Variants in PMP22 observed in about 807,000 individuals in gnomAD.
PMP22 encodes Charcot-Marie-Tooth neuropathy 1A (greatly reduced nerve conduction velocity, hereditary motor sensory neuropathy Ia).
Under a neutral mutation model 18.9 loss-of-function variants are expected in PMP22, and 2 were observed. The ratio of observed to expected loss-of-function variants is 0.11; its 90% CI spans 0.04 to 0.33. The LOEUF (loss-of-function observed/expected upper bound fraction) is 0.33, where lower values mean the gene tolerates loss of function less well. Among genes scored for constraint, PMP22 ranks in the 10% least tolerant of loss-of-function variants. The pLI is 1.00. For missense variants in PMP22, 169 were observed against 202.2 expected, an observed-to-expected ratio of 0.84 and a Z score of 1.00; for synonymous variants, 95 against 89.2, an observed-to-expected ratio of 1.07 and a Z score of -0.37.
chr17:15,247,369 AAACAAC>A (rs914018112), intron 3 of PMP22, among the ~76,000 whole-genome samples: 1 of 152,202 alleles, frequency 6.6e-6, no homozygotes, highest in African/African-American at 2.4e-5. Flanking sequence ...ACTGTCTCAA[AAACAAC>A]AACAACAACA....
chr17:15,230,021 C>A lies in PMP22; in HGVS notation c.*896G>T, dbSNP rs1906171995. 1 of 152,574 alleles carries A rather than the reference C, an allele frequency of 6.6e-6. No individual in the cohort carries two copies. The highest frequency in any genetic ancestry group is 1.9e-4 in the East Asian group (1 of 5,200). The allele number at this position is 152,574 out of a possible 1,614,324, so 9.5% of individuals were successfully genotyped here. ...GAGTCTAGACGCTTGTTCTGATGCT[C>A]CGACCGTAAGAAAAATGTGGGAGTG... On this transcript the variant is annotated 3_prime_UTR_variant, in exon 5 of 5. Coordinates refer to ENST00000312280, the MANE Select transcript of PMP22 (RefSeq NM_000304.4).
chr17:15,258,874 C>T lies in PMP22; in HGVS notation c.178+220G>A. ...TCAGGAGGGCACTAAGGGCATGTCT[C>T]TAGGTAGAGTGAATCACAATGATGC... On this transcript the variant is annotated intron_variant, in intron 3 of 4. Transcript: ENST00000312280. The surrounding 1 kb of genome is among the most constrained non-coding windows in gnomAD (Gnocchi z 4.1). 2 of 626,088 alleles carry T rather than the reference C, an allele frequency of 3.2e-6. No homozygotes were observed. The highest frequency in any genetic ancestry group is 5.8e-6 in the Non-Finnish European group (2 of 343,624). 38.8% of individuals were successfully genotyped at this position (626,088 alleles called of 1,614,324 possible). A position where few individuals can be genotyped will look rare whatever the true frequency, so the allele number is the denominator to read the frequency against.
chr17:15,256,403 G>A (rs1204226953), intron 3 of PMP22, among the ~76,000 whole-genome samples: 1 of 152,152 alleles, frequency 6.6e-6, no homozygotes, highest in Non-Finnish European at 1.5e-5. Context: ...AGCACTTTGG[G>A]AGGTGAGGTG....
intron 3 of PMP22, among the ~76,000 whole-genome samples, chr17:15,251,388 C>T (rs1244545403): frequency 6.6e-6 from 1 of 152,152 alleles, no homozygotes; most frequent in East Asian, 1.9e-4. Context: ...GGGACCTGCT[C>T]TTTCTTGTTC....
chr17:15,262,429 A>G (rs1192422278), intron 1 of PMP22: 1 of 152,220 alleles, frequency 6.6e-6, no homozygotes, highest in Non-Finnish European at 1.5e-5. Flanking sequence ...AATCACTTAC[A>G]GCCCAAAGGA....
intron 1 of PMP22, chr17:15,262,716 C>T (rs1708079092): frequency 6.6e-6 from 1 of 152,408 alleles, no homozygotes; most frequent in African/African-American, 2.4e-5. Flanking sequence ...CTTAAATGCG[C>T]CTCAAGAAAA....
intron 3 of PMP22, among the ~76,000 whole-genome samples, chr17:15,251,353 A>C (rs1908325904): frequency 6.6e-6 from 1 of 151,122 alleles, no homozygotes; most frequent in African/African-American, 2.4e-5. Flanking sequence ...GTTTCCTCCA[A>C]CTCCTTGTGA....
intron 3 of PMP22, among the ~76,000 whole-genome samples, chr17:15,252,267 G>A (rs374409994): frequency 1.7e-4 from 26 of 152,216 alleles, no homozygotes; most frequent in Non-Finnish European, 2.5e-4. Flanking sequence ...TGAAGACAGC[G>A]ATGATAGGAG....
chr17:15,251,217 A>G (rs538064526), intron 3 of PMP22, among the ~76,000 whole-genome samples: 68 of 152,236 alleles, frequency 4.5e-4, no homozygotes, highest in African/African-American at 1.5e-3. Flanking sequence ...CCACATCACT[A>G]TGGAAGGAAG....
intron 4 of PMP22, among the ~76,000 whole-genome samples, chr17:15,234,383 G>C (rs1026275862): frequency 4.6e-5 from 7 of 152,214 alleles, no homozygotes; most frequent in African/African-American, 1.7e-4. Flanking sequence ...TTTCATTTGA[G>C]AGCCTGGGGC....
At chr17:15,264,230 G>GTAGT (rs1379166306) in intron 1 of PMP22, among the ~76,000 whole-genome samples, 1 of 85,008 alleles carries the variant, frequency 1.2e-5, no homozygotes. Flanking sequence ...AGGTAGGTAG[G>GTAGT]TAGATAGATA....
At chr17:15,239,047 G>T (rs927927930) in intron 4 of PMP22, among the ~76,000 whole-genome samples, 3 of 152,152 alleles carry the variant, frequency 2.0e-5, no homozygotes, top group African/African-American at 7.2e-5. Context: ...TAACTACTTT[G>T]CTAGTTCTTA....
intron 3 of PMP22, among the ~76,000 whole-genome samples, chr17:15,247,990 G>A (rs148085020): frequency 1.3e-3 from 191 of 152,250 alleles, no homozygotes; most frequent in Admixed American, 2.3e-3. Context: ...CACACAGATC[G>A]CCATTTTCCT....
At chr17:15,243,250 A>T (rs184240346) in intron 3 of PMP22, among the ~76,000 whole-genome samples, 2 of 152,180 alleles carry the variant, frequency 1.3e-5, no homozygotes, top group Non-Finnish European at 2.9e-5. Flanking sequence ...GGATACATCA[A>T]CAAGTTAGAC....
chr17:15,240,423 TTTTG>T (rs1371520909), intron 3 of PMP22, among the ~76,000 whole-genome samples: 2 of 151,132 alleles, frequency 1.3e-5, no homozygotes, highest in African/African-American at 2.4e-5. Flanking sequence ...TTTTTTTTTT[TTTTG>T]GTCAACTCTG....
chr17:15,249,176 G>A (rs1597620234), intron 3 of PMP22, among the ~76,000 whole-genome samples: 1 of 152,118 alleles, frequency 6.6e-6, no homozygotes, highest in Non-Finnish European at 1.5e-5. Flanking sequence ...TCTGCCTACT[G>A]CAATTCTACC....
chr17:15,232,128 GC>G (rs942220268), intron 4 of PMP22, among the ~76,000 whole-genome samples: 14 of 151,594 alleles, frequency 9.2e-5, no homozygotes, highest in African/African-American at 2.9e-4. Context: ...ATGCACCCGC[GC>G]CCCCCCACCG....
At position 15,258,740 on chromosome 17, in the gene PMP22, G is replaced by A. The variant is rs192055536; in HGVS notation, c.178+354C>T. 1,284 of 357,942 alleles carry A rather than the reference G, an allele frequency of 3.6e-3. 4 individuals are homozygous for A. The highest frequency in any genetic ancestry group is 5.4e-3 in the Non-Finnish European group (995 of 183,532). 22.2% of individuals were successfully genotyped at this position (357,942 alleles called of 1,614,324 possible). ...GACAGCCACCAAACCAAAGATACAC[G>A]TTTGATCCAATGTCCCAAGGGGGTC... is the stretch of plus-strand genomic sequence containing the variant. On this transcript the variant is annotated intron_variant, in intron 3 of 4. Coordinates refer to ENST00000312280, the MANE Select transcript of PMP22 (RefSeq NM_000304.4). The surrounding 1 kb of genome is among the most constrained non-coding windows in gnomAD (Gnocchi z 4.1).
rs78099380 is a variant in PMP22 at position 15,239,437 on chromosome 17, C to T, written c.319+34G>A. 1.1e-3 allele frequency: 1,799 copies of T among 1,612,712 alleles called. 21 individuals carry two copies. In the African/African-American group the frequency reaches 0.02, roughly 18 times the overall value. Reference sequence around the variant, plus strand: ...TCATTCCGCAGACTTGGATGCACCCCGCTTCCACATGGACTTTACCATCCA... The same window carrying T: ...TCATTCCGCAGACTTGGATGCACCCTGCTTCCACATGGACTTTACCATCCA... On this transcript the variant is annotated intron_variant, in intron 4 of 4. Transcript: ENST00000312280.
Sources: allele counts gnomAD v4.1 joint callset (sites outside exome capture counted in the v4.1 genomes callset), GRCh38; gene constraint gnomAD v4.1.1; non-coding constraint Gnocchi (gnomAD v3.1); transcripts MANE v1.5; gene names NCBI Gene and HGNC (gene_info 2026-07-23, HGNC 2026-07-21).